COL4A5: variants seen among roughly 807,000 people sequenced by gnomAD.
COL4A5 encodes collagen alpha-5(IV) chain.
In COL4A5, 26 loss-of-function variants were observed where a neutral mutation model predicts 130.2. That is an observed-to-expected ratio of 0.20 (90% confidence interval 0.15 to 0.28). The LOEUF (loss-of-function observed/expected upper bound fraction) is 0.28, where lower values mean the gene tolerates loss of function less well. COL4A5 is among the 10% of genes least tolerant of loss of function. COL4A5 has a pLI of 1.00. For synonymous variants in COL4A5, 496 were observed against 439.6 expected (o/e 1.13, Z -1.60); for missense variants, 1,131 against 1,344.3 (o/e 0.84, Z 2.48).
At chrX:108,450,350 C>G (rs1363249038) in intron 1 of COL4A5, among the ~76,000 whole-genome samples, 4 of 111,572 alleles carry the variant, frequency 3.6e-5, no homozygotes, top group Non-Finnish European at 5.6e-5. Flanking sequence ...TGCTTCAGCC[C>G]CCCAAAGAGC....
rs773404950 is a variant in COL4A5 at position 108,571,815 on chromosome X, C to T, written c.443C>T (p.Pro148Leu). 32 of 1,175,697 alleles carry T rather than the reference C, an allele frequency of 2.7e-5. No homozygotes were observed. In the East Asian group the frequency reaches 4.5e-4, roughly 16 times the overall value. ...GFPGLQGPPG[P>L]PGIPGMKGEP... ...CCCTTTTCTTTTTAATAATAGGGAC[C>T]CCCTGGGATCCCAGGTATGAAGGTA... Residue 148 changes from proline (P) to leucine (L), a missense_variant, in exon 8 of 53, where the codon CCC becomes CTC. Transcript: ENST00000328300.
intron 32 of COL4A5, 42 bp from the exon 33 acceptor site, chrX:108,622,634 G>T (rs1161556961): frequency 1.1e-5 from 13 of 1,188,250 alleles, no homozygotes; most frequent in African/African-American, 3.5e-5. Context: ...ATCTTTGATG[G>T]ATAAAATTGA....
At chrX:108,622,078 A>G (rs1039885103) in intron 32 of COL4A5, among the ~76,000 whole-genome samples, 186 bp downstream of exon 32, 6 of 112,867 alleles carry the variant, frequency 5.3e-5, no homozygotes, top group African/African-American at 1.9e-4. Flanking sequence ...ATACCATGAT[A>G]CATGGTAAAT....
chrX:108,556,873 T>A (rs1489124221), intron 2 of COL4A5, among the ~76,000 whole-genome samples: 1 of 111,461 alleles, frequency 9.0e-6, no homozygotes, highest in Non-Finnish European at 1.9e-5. Context: ...GTAGTTGCCC[T>A]TCTCTCTTCT....
intron 1 of COL4A5, among the ~76,000 whole-genome samples, chrX:108,488,211 C>T (rs1225562653): frequency 8.9e-6 from 1 of 112,456 alleles, no homozygotes; most frequent in African/African-American, 3.2e-5. Context: ...ACACATTCTT[C>T]CCCCCAGTTG....
intron 31 of COL4A5, 102 bp from the exon 32 acceptor site, chrX:108,621,701 A>C: frequency 1.6e-6 from 1 of 637,446 alleles, no homozygotes; most frequent in African/African-American, 2.1e-5. Context: ...ACAGTGCCTT[A>C]CGTCCAACCC....
chrX:108,673,458 G>T (rs1287535942), intron 42 of COL4A5, among the ~76,000 whole-genome samples: 1 of 110,888 alleles, frequency 9.0e-6, no homozygotes, highest in Non-Finnish European at 1.9e-5. Context: ...TAACCAAGGG[G>T]TGCTCTATTT....
intron 30 of COL4A5, among the ~76,000 whole-genome samples, chrX:108,616,215 G>GT (rs767806022): frequency 0.01 from 1,096 of 104,414 alleles, 11 homozygotes; most frequent in East Asian, 0.041. Context: ...TTGACCTGCT[G>GT]TTTTTTTTTT....
intron 42 of COL4A5, among the ~76,000 whole-genome samples, chrX:108,671,395 C>T (rs2068204579): frequency 9.0e-6 from 1 of 111,691 alleles, no homozygotes; most frequent in South Asian, 3.7e-4. Flanking sequence ...CCATTTGTTT[C>T]TACCTGAATT....
chrX:108,600,904 G>A (rs2066616028), intron 25 of COL4A5, among the ~76,000 whole-genome samples: 2 of 111,268 alleles, frequency 1.8e-5, no homozygotes, highest in African/African-American at 3.3e-5. Flanking sequence ...AGGAGAGGAT[G>A]GGTGTACCAG....
At chrX:108,544,142 T>C (rs2065600930) in intron 2 of COL4A5, among the ~76,000 whole-genome samples, 1 of 111,899 alleles carries the variant, frequency 8.9e-6, no homozygotes, top group Non-Finnish European at 1.9e-5. Flanking sequence ...CTTCCAACAC[T>C]ATGTTGAATA....
At chrX:108,478,182 A>C (rs1399995232) in intron 1 of COL4A5, among the ~76,000 whole-genome samples, 1 of 111,704 alleles carries the variant, frequency 9.0e-6, no homozygotes, top group African/African-American at 3.3e-5. Flanking sequence ...AGTATGGGTC[A>C]GTCACCCCAG....
chrX:108,672,974 G>A (rs2147967604), intron 42 of COL4A5, among the ~76,000 whole-genome samples: 1 of 112,203 alleles, frequency 8.9e-6, no homozygotes, highest in African/African-American at 3.2e-5. Context: ...CCAATATTTA[G>A]CTTTCTGAAT....
rs768963063 is a variant in COL4A5, at chrX:108,656,657, C to T, written c.3373+1200C>T. Among the ~76,000 whole-genome samples, 4 of 111,616 alleles carry T rather than the reference C, an allele frequency of 3.6e-5. No homozygotes were observed. The East Asian group carries it at 1.1e-3, about 31-fold the overall frequency. On this transcript the variant is annotated intron_variant, in intron 37 of 52. Transcript: ENST00000328300. ...TATCCAGTTCTCCAATTGCCCATGT[C>T]CTCACCATCACTGGGCAGTGTCGGT...
intron 21 of COL4A5, among the ~76,000 whole-genome samples, chrX:108,594,905 C>A (rs900260111): frequency 1.6e-4 from 18 of 110,564 alleles, no homozygotes; most frequent in Non-Finnish European, 2.8e-4. Flanking sequence ...GTTGCCCAAT[C>A]TGGAGTGCAG....
intron 1 of COL4A5, among the ~76,000 whole-genome samples, chrX:108,534,992 TCA>T (rs1471083460): frequency 9.0e-6 from 1 of 110,947 alleles, no homozygotes; most frequent in African/African-American, 3.3e-5. Context: ...AATGATTATT[TCA>T]CAGTTTCCAT....
chrX:108,624,466 T>C, intron 34 of COL4A5, 132 bp downstream of exon 34: 2 of 596,112 alleles, frequency 3.4e-6, no homozygotes, highest in South Asian at 2.5e-5. Context: ...TACTGAAATA[T>C]GGAGCTCACT....
At chrX:108,506,165 A>G (rs1331028140) in intron 1 of COL4A5, among the ~76,000 whole-genome samples, 1 of 111,589 alleles carries the variant, frequency 9.0e-6, no homozygotes, top group Non-Finnish European at 1.9e-5. Flanking sequence ...GTATGACACA[A>G]TGTTTCTGGT....
At chrX:108,585,126 C>T (rs1277855176) in intron 18 of COL4A5, among the ~76,000 whole-genome samples, 1 of 111,731 alleles carries the variant, frequency 9.0e-6, no homozygotes, top group Non-Finnish European at 1.9e-5. Context: ...AAATATACTT[C>T]CAGTCTTATT....
Sources: allele counts gnomAD v4.1 joint callset (sites outside exome capture counted in the v4.1 genomes callset), GRCh38; gene constraint gnomAD v4.1.1; transcripts MANE v1.5; gene names NCBI Gene and HGNC (gene_info 2026-07-23, HGNC 2026-07-21).